Variants in MTPAP observed in about 807,000 individuals in gnomAD.
MTPAP encodes poly(A) RNA polymerase, mitochondrial.
In MTPAP, 23 loss-of-function variants were observed where a neutral mutation model predicts 48.7. The observed-to-expected ratio is 0.47, with a 90% CI of 0.34 to 0.67. The LOEUF (loss-of-function observed/expected upper bound fraction) is 0.67, where lower values mean the gene tolerates loss of function less well. Ranked by LOEUF, MTPAP falls within the 30% of genes least tolerant of loss-of-function variation. The pLI, the probability that MTPAP is intolerant of heterozygous loss-of-function variation, is 0.01. For synonymous variants in MTPAP, 257 were observed against 254.1 expected (o/e 1.01, Z -0.11); for missense variants, 614 against 694.3 (o/e 0.88, Z 1.30).
intron 1 of MTPAP, among the ~76,000 whole-genome samples, chr10:30,341,855 G>C (rs1359500757): frequency 6.6e-6 from 1 of 152,110 alleles, no homozygotes; most frequent in African/African-American, 2.4e-5. Flanking sequence ...TAAAACCTCA[G>C]ATATTACCAA....
chr10:30,321,558 C>T (rs2132849335), intron 6 of MTPAP, among the ~76,000 whole-genome samples: 1 of 152,254 alleles, frequency 6.6e-6, no homozygotes, highest in African/African-American at 2.4e-5. Context: ...AATCACAGCA[C>T]TGGCTGGAAT....
At chr10:30,349,075 C>T (rs1396471598) in intron 1 of MTPAP, 44 bp downstream of exon 1, 1 of 1,613,388 alleles carries the variant, frequency 6.2e-7, no homozygotes, top group Non-Finnish European at 8.5e-7. Context: ...CCAGACTCCT[C>T]GCCCGCTGTG....
chr10:30,315,133 T>C (rs1436021911), intron 8 of MTPAP, among the ~76,000 whole-genome samples: 2 of 152,206 alleles, frequency 1.3e-5, no homozygotes, highest in Non-Finnish European at 2.9e-5. Context: ...ACGAACTTTG[T>C]ATGCTTATGA....
At chr10:30,314,164 T>TC (rs143913224) in intron 8 of MTPAP, among the ~76,000 whole-genome samples, 193 bp from the exon 9 acceptor site, 2 of 152,128 alleles carry the variant, frequency 1.3e-5, no homozygotes, top group East Asian at 3.8e-4. Flanking sequence ...GTTTTTTTTT[T>TC]CCCTGTTGTA....
At chr10:30,340,511 TAG>T (rs1834790540) in intron 2 of MTPAP, 61 bp from the exon 3 acceptor site, 4 of 929,214 alleles carry the variant, frequency 4.3e-6, no homozygotes, top group Non-Finnish European at 6.6e-6. Flanking sequence ...CATACTATTT[TAG>T]CTCATATATT....
In MTPAP at chr10:30,341,659, C is replaced by T; in HGVS notation, c.158-19G>A. 10 of 1,613,362 alleles carry T rather than the reference C, an allele frequency of 6.2e-6. No individual in the cohort carries two copies. Among genetic ancestry groups the T allele is most frequent in the Non-Finnish European group, 8.5e-6 (10 of 1,179,836 alleles). ...TCAAAGCCTATGAACGAGACAAAAACATTTCCACCACACGCACACACACAA... is the reference window on the plus strand; with the variant it reads ...TCAAAGCCTATGAACGAGACAAAAATATTTCCACCACACGCACACACACAA... On this transcript the variant is annotated intron_variant, in intron 1 of 8. Transcript: ENST00000263063.
chr10:30,345,037 A>G lies in MTPAP; in HGVS notation c.158-3397T>C, dbSNP rs553415709. Reference sequence around the variant, plus strand: ...GTAGAATTTTCTCAGGTAGAAGCATAAGTCCTCTCCCAGTCCTCTTACCCT... The same window carrying G: ...GTAGAATTTTCTCAGGTAGAAGCATGAGTCCTCTCCCAGTCCTCTTACCCT... On this transcript the variant is annotated intron_variant, in intron 1 of 8. Coordinates refer to ENST00000263063, the MANE Select transcript of MTPAP (RefSeq NM_018109.4). Among the ~76,000 whole-genome samples the G allele has an allele frequency of 9.9e-5, 15 of 152,238 alleles. No homozygotes were observed. The East Asian group carries it at 2.7e-3, about 27-fold the overall frequency.
At chr10:30,317,337 T>C (rs1840674846) in intron 6 of MTPAP, among the ~76,000 whole-genome samples, 1 of 152,212 alleles carries the variant, frequency 6.6e-6, no homozygotes, top group Non-Finnish European at 1.5e-5. Context: ...ATCATCTTCA[T>C]ACACGACACA....
chr10:30,318,460 T>C (rs1342133258), intron 6 of MTPAP, among the ~76,000 whole-genome samples: 1 of 152,196 alleles, frequency 6.6e-6, no homozygotes, highest in Non-Finnish European at 1.5e-5. Context: ...ACAGTGTATG[T>C]TTTTTTGTGA....
intron 1 of MTPAP, among the ~76,000 whole-genome samples, chr10:30,345,978 T>G (rs534219870): frequency 6.6e-6 from 1 of 150,960 alleles, no homozygotes; most frequent in African/African-American, 2.4e-5. Flanking sequence ...AAGGCAGAGG[T>G]TGCACTGAGC....
At position 30,340,389 on chromosome 10, in the gene MTPAP, G is replaced by C; in HGVS notation, c.392C>G (p.Thr131Ser). The change falls in exon 3 of 9, where the codon ACT becomes AGT. Residue 131 changes from threonine (T) to serine (S), a missense_variant. By Grantham distance (58) the Thr-to-Ser change is moderately conservative. This residue lies in a region of MTPAP where 114 missense variants were observed against 107.9 expected (regional missense o/e 1.06). Transcript: ENST00000263063. ...CTCCATGGCCGTGCTTGGAGTATGA[G>C]TCCCATTCTGCAGTGAACCTATGCT... ...KESIGSLQNG[T>S]HTPSTAMETA... 1 of 1,614,152 alleles carries C rather than the reference G, an allele frequency of 6.2e-7. No homozygotes were observed. The highest frequency in any genetic ancestry group is 2.2e-5 in the East Asian group (1 of 44,886).
chr10:30,348,393 C>T (rs1174898209), intron 1 of MTPAP, among the ~76,000 whole-genome samples: 1 of 152,168 alleles, frequency 6.6e-6, no homozygotes, highest in African/African-American at 2.4e-5. Flanking sequence ...AAGTTATTTA[C>T]CTCTTTGAAC....
chr10:30,344,830 G>A (rs1368791550), intron 1 of MTPAP, among the ~76,000 whole-genome samples: 2 of 152,064 alleles, frequency 1.3e-5, no homozygotes, highest in African/African-American at 2.4e-5. Context: ...TCAGCCTCCC[G>A]AGTGGCTGGG....
chr10:30,341,289 G>A (rs753666961), intron 2 of MTPAP, among the ~76,000 whole-genome samples, 179 bp downstream of exon 2: 14 of 151,950 alleles, frequency 9.2e-5, no homozygotes, highest in East Asian at 1.9e-4. Flanking sequence ...CTAAAATACC[G>A]CTATAAGAAT....
In MTPAP at chr10:30,311,583, T is replaced by C. The variant is rs1461438213; in HGVS notation, c.*2026A>G. On this transcript the variant is annotated 3_prime_UTR_variant, in exon 9 of 9. Coordinates refer to ENST00000263063, the MANE Select transcript of MTPAP (RefSeq NM_018109.4). ...CACATTGATCTGATCATGATCCCCA[T>C]TTTACAGATCAAACAGGGGCCCCAA... The C allele has an allele frequency of 6.6e-6, 1 of 152,198 alleles. No homozygotes were observed. The highest frequency in any genetic ancestry group is 6.5e-5 in the Admixed American group (1 of 15,284). 9.4% of individuals were successfully genotyped at this position (152,198 alleles called of 1,614,324 possible).
rs1840619644 is a variant in MTPAP at position 30,313,320 on chromosome 10, C to A, written c.*289G>T. 1 of 399,364 alleles carries A rather than the reference C, an allele frequency of 2.5e-6. No homozygotes were observed. Among genetic ancestry groups the A allele is most frequent in the Admixed American group, 4.1e-5 (1 of 24,462 alleles). The allele number at this position is 399,364 out of a possible 1,614,324, so 24.7% of individuals were successfully genotyped here. A position where few individuals can be genotyped will look rare whatever the true frequency, so the allele number is the denominator to read the frequency against. ...ATGTTGTCCACGATGGATTCAAAATCCTGGGCTCAAGAGATCCTCCTGCCT... is the reference window on the plus strand; with the variant it reads ...ATGTTGTCCACGATGGATTCAAAATACTGGGCTCAAGAGATCCTCCTGCCT... On this transcript the variant is annotated 3_prime_UTR_variant, in exon 9 of 9. Transcript: ENST00000263063.
chr10:30,329,561 T>G (rs1294101868), intron 4 of MTPAP, among the ~76,000 whole-genome samples: 3 of 152,126 alleles, frequency 2.0e-5, no homozygotes, highest in Non-Finnish European at 4.4e-5. Context: ...TGGTTTACAC[T>G]TCTTACTTCT....
rs1310005311 is a variant in MTPAP at position 30,312,161 on chromosome 10, A to T, written c.*1448T>A. On this transcript the variant is annotated 3_prime_UTR_variant, in exon 9 of 9. Coordinates refer to ENST00000263063, the MANE Select transcript of MTPAP (RefSeq NM_018109.4). ...AGAAACAAAACGAAACAAAGCAAAA[A>T]AGTTGCTCCACAGAGAATGTAATGG... 2.6e-5 allele frequency: 4 copies of T among 152,336 alleles called. 1 individual carries two copies. Among genetic ancestry groups the T allele is most frequent in the African/African-American group, 9.6e-5 (4 of 41,550 alleles). The allele number at this position is 152,336 out of a possible 1,614,324, so 9.4% of individuals were successfully genotyped here. A position where few individuals can be genotyped will look rare whatever the true frequency, so the allele number is the denominator to read the frequency against.
At position 30,322,634 on chromosome 10, in the gene MTPAP, T is replaced by A. The variant is rs1050574066; in HGVS notation, c.993-17A>T. 1 of 1,570,498 alleles carries A rather than the reference T, an allele frequency of 6.4e-7. No individual in the cohort carries two copies. Among genetic ancestry groups the A allele is most frequent in the African/African-American group, 1.4e-5 (1 of 73,540 alleles). ...AAGGCAATCCTTCAAAAAATAAAAA[T>A]AAGAAAAATGTTCAAATCCCCAAAT... On this transcript the variant is annotated splice_polypyrimidine_tract_variant and intron_variant, in intron 5 of 8. Transcript: ENST00000263063.
Sources: gnomAD v4.1 joint callset for allele counts (sites outside exome capture counted in the v4.1 genomes callset) on GRCh38, gnomAD v4.1.1 for gene constraint, gnomAD v4.1.1 regional missense constraint, MANE v1.5 for transcripts, NCBI Gene and HGNC (gene_info 2026-07-23, HGNC 2026-07-21) for gene names.